The following SMIM41 variants were observed in gnomAD, a reference collection of about 807,000 sequenced individuals.
SMIM41 encodes small integral membrane protein 41.
At chr12:52,088,486 G>C (rs1439417684) in intron 2 of SMIM41, among the ~76,000 whole-genome samples, 3 of 152,178 alleles carry the variant, frequency 2.0e-5, no homozygotes, top group South Asian at 4.1e-4. Context: ...CACACCCACA[G>C]CCAGGTTCTT....
At chr12:52,091,724 T>TGA (rs1238882652) in intron 2 of SMIM41, among the ~76,000 whole-genome samples, 5 of 152,224 alleles carry the variant, frequency 3.3e-5, no homozygotes, top group African/African-American at 1.2e-4. Context: ...TGTAGATGTA[T>TGA]GATAGCTCCT....
chr12:52,101,868 A>G (rs1211840206), intron 2 of SMIM41, among the ~76,000 whole-genome samples: 1 of 152,098 alleles, frequency 6.6e-6, no homozygotes, highest in African/African-American at 2.4e-5. Flanking sequence ...ATGCGCCAGC[A>G]CACCCAGCTA....
At chr12:52,090,471 G>A (rs1228383785) in intron 2 of SMIM41, among the ~76,000 whole-genome samples, 2 of 152,132 alleles carry the variant, frequency 1.3e-5, no homozygotes, top group Non-Finnish European at 2.9e-5. Context: ...CCAGGCCACG[G>A]AACAAGTGCT....
chr12:52,080,946 G>A (rs1480274043), intron 1 of SMIM41, among the ~76,000 whole-genome samples: 1 of 152,082 alleles, frequency 6.6e-6, no homozygotes, highest in Admixed American at 6.5e-5. Context: ...GTGTTGGGGG[G>A]TGTGGATGGC....
intron 2 of SMIM41, among the ~76,000 whole-genome samples, chr12:52,104,996 A>G (rs1389810909): frequency 6.6e-6 from 1 of 152,230 alleles, no homozygotes; most frequent in Non-Finnish European, 1.5e-5. Flanking sequence ...AAAAGGAGCA[A>G]TGCATTTTCA....
intron 2 of SMIM41, among the ~76,000 whole-genome samples, chr12:52,096,261 C>T (rs954667871): frequency 3.3e-5 from 5 of 151,902 alleles, no homozygotes; most frequent in South Asian, 2.1e-4. Context: ...TCTCTTCTTC[C>T]GTGAATATTA....
chr12:52,088,559 G>T (rs1194683235), intron 2 of SMIM41, among the ~76,000 whole-genome samples: 1 of 152,168 alleles, frequency 6.6e-6, no homozygotes, highest in African/African-American at 2.4e-5. Flanking sequence ...CACCCCAGCA[G>T]CTGTCCCCGA....
At chr12:52,102,209 C>T (rs1309659794) in intron 2 of SMIM41, among the ~76,000 whole-genome samples, 1 of 152,200 alleles carries the variant, frequency 6.6e-6, no homozygotes, top group East Asian at 1.9e-4. Flanking sequence ...CCCTATGTCA[C>T]ACCAGGTGCA....
rs1366170329 is a variant in SMIM41, at chr12:52,107,866, T to G, written c.*683T>G. The G allele has an allele frequency of 9.3e-6, 3 of 323,280 alleles. No individual in the cohort carries two copies. Among genetic ancestry groups the G allele is most frequent in the Non-Finnish European group, 1.8e-5 (3 of 166,386 alleles). 20.0% of individuals were successfully genotyped at this position (323,280 alleles called of 1,614,324 possible). A position where few individuals can be genotyped will look rare whatever the true frequency, so the allele number is the denominator to read the frequency against. ...CTTCAAGGAGGTGGACATTCCTAAT[T>G]TCTTCTGTGACCTTTCTCAACTCCC... On this transcript the variant is annotated 3_prime_UTR_variant, in exon 3 of 3. Coordinates refer to ENST00000546390, the MANE Select transcript of SMIM41 (RefSeq NM_001369216.1).
intron 1 of SMIM41, among the ~76,000 whole-genome samples, chr12:52,083,424 A>G (rs1179251878): frequency 6.6e-6 from 1 of 151,044 alleles, no homozygotes; most frequent in Non-Finnish European, 1.5e-5. Context: ...TTGTTCCCCG[A>G]CTCCCCTCCA....
rs57770341 is a variant in SMIM41 at position 52,095,953 on chromosome 12, G to A, written c.*196-11426G>A. Among the ~76,000 whole-genome samples, 234 of 151,860 alleles carry A rather than the reference G, an allele frequency of 1.5e-3. No homozygotes were observed. In the Middle Eastern group the frequency reaches 0.017, roughly 11 times the overall value. Reference sequence around the variant, plus strand: ...TATTGGGAGTAATATCAACCTCTCCGCCTTTGAATATTAAGAACAATGTCA... The same window carrying A: ...TATTGGGAGTAATATCAACCTCTCCACCTTTGAATATTAAGAACAATGTCA... On this transcript the variant is annotated intron_variant, in intron 2 of 2. Transcript: ENST00000546390.
At chr12:52,080,909 C>A (rs1286832354) in intron 1 of SMIM41, among the ~76,000 whole-genome samples, 4 of 151,912 alleles carry the variant, frequency 2.6e-5, no homozygotes, top group African/African-American at 9.7e-5. Flanking sequence ...GTAGATGTAG[C>A]CCAGAGCAAG....
chr12:52,084,272 A>G (rs935639636), intron 2 of SMIM41, among the ~76,000 whole-genome samples: 1 of 152,012 alleles, frequency 6.6e-6, no homozygotes, highest in Non-Finnish European at 1.5e-5. Context: ...AATTGCTTGA[A>G]TCCAGGAGGC....
chr12:52,089,646 A>G (rs1939960478), intron 2 of SMIM41, among the ~76,000 whole-genome samples: 1 of 152,036 alleles, frequency 6.6e-6, no homozygotes, highest in Non-Finnish European at 1.5e-5. Flanking sequence ...AACCTGCAGG[A>G]GAATCCGTCC....
At position 52,080,011 on chromosome 12, in the gene SMIM41, G is replaced by C. The variant is rs769502943; in HGVS notation, c.232G>C (p.Glu78Gln). Residue 78 changes from glutamate (E) to glutamine (Q), a missense_variant, in exon 1 of 3, where the codon GAG becomes CAG. Glu to Gln is a conservative substitution (Grantham distance 29). Transcript: ENST00000546390. ...LLTREQRASR[E>Q]PEPGSASGED... ...GACCCGCGAGCAGCGCGCGTCCCGC[G>C]AGCCCGAGCCGGGCAGTGCCAGCGG... 2.7e-6 allele frequency: 1 copy of C among 373,344 alleles called. No individual in the cohort carries two copies. Among genetic ancestry groups the C allele is most frequent in the Admixed American group, 4.6e-5 (1 of 21,856 alleles). The allele number at this position is 373,344 out of a possible 1,614,324, so 23.1% of individuals were successfully genotyped here.
At chr12:52,105,993 G>T (rs1222294938) in intron 2 of SMIM41, among the ~76,000 whole-genome samples, 1 of 152,170 alleles carries the variant, frequency 6.6e-6, no homozygotes, top group Non-Finnish European at 1.5e-5. Flanking sequence ...GGCTCCCGCT[G>T]CATGATCTCT....
intron 2 of SMIM41, among the ~76,000 whole-genome samples, chr12:52,094,121 A>G (rs111701362): frequency 0.026 from 3,192 of 120,774 alleles, 50 homozygotes; most frequent in Non-Finnish European, 0.04. Context: ...ACAGAGCAAG[A>G]CTCCATCTCC....
intron 2 of SMIM41, among the ~76,000 whole-genome samples, chr12:52,090,262 G>A (rs1939976008): frequency 6.6e-6 from 1 of 152,014 alleles, no homozygotes; most frequent in Admixed American, 6.6e-5. Context: ...TGGTAGAGAC[G>A]GAGTTTCACC....
chr12:52,096,518 AT>A (rs1296781860), intron 2 of SMIM41, among the ~76,000 whole-genome samples: 1 of 151,936 alleles, frequency 6.6e-6, no homozygotes, highest in Non-Finnish European at 1.5e-5. Context: ...TAACATTAAT[AT>A]TAAGTACCAA....
Sources: allele counts gnomAD v4.1 joint callset (sites outside exome capture counted in the v4.1 genomes callset), GRCh38; gene constraint gnomAD v4.1.1; transcripts MANE v1.5; gene names NCBI Gene and HGNC (gene_info 2026-07-23, HGNC 2026-07-21).